The following PIN4 variants were observed in gnomAD, a reference collection of about 807,000 sequenced individuals.
PIN4 encodes the protein peptidyl-prolyl cis-trans isomerase NIMA-interacting 4.
In PIN4, 3 loss-of-function variants were observed where a neutral mutation model predicts 8.3. The observed-to-expected ratio is 0.36, with a 90% CI of 0.16 to 0.93. The LOEUF (loss-of-function observed/expected upper bound fraction) is 0.93, where lower values mean the gene tolerates loss of function less well. Among genes scored for constraint, PIN4 ranks in the 40% least tolerant of loss-of-function variants. The pLI is 0.44. For synonymous variants in PIN4, 18 were observed against 32.5 expected (o/e 0.55, Z 1.52); for missense variants, 75 against 100.6 (o/e 0.75, Z 1.09).
chrX:72,246,361 G>A (rs1164222923), intron 3 of PIN4, among the ~76,000 whole-genome samples: 2 of 111,368 alleles, frequency 1.8e-5, no homozygotes, highest in Non-Finnish European at 3.8e-5. Flanking sequence ...GTCTCACTTG[G>A]ACGACTGCAC....
chrX:72,204,966 T>A, intron 3 of PIN4: 1 of 1,036,449 alleles, frequency 9.6e-7, no homozygotes, highest in South Asian at 2.4e-5. Context: ...GAACAAAAAT[T>A]CCCTCATATT....
chrX:72,191,199 G>A (rs973076568), intron 2 of PIN4, among the ~76,000 whole-genome samples: 4 of 110,422 alleles, frequency 3.6e-5, no homozygotes, highest in African/African-American at 1.3e-4. Flanking sequence ...AGTGCCTAGG[G>A]TCTCATCCCA....
At chrX:72,186,746 C>G (rs932508229) in intron 2 of PIN4, among the ~76,000 whole-genome samples, 1 of 110,703 alleles carries the variant, frequency 9.0e-6, no homozygotes, top group Non-Finnish European at 1.9e-5. Flanking sequence ...ATGGTGAAAC[C>G]CTGTCTCTAC....
At chrX:72,201,107 G>T (rs2042788246), downstream of PIN4, among the ~76,000 whole-genome samples, 2 of 111,003 alleles carry the variant, frequency 1.8e-5, no homozygotes, top group South Asian at 7.6e-4. Context: ...GGAGGCTGAG[G>T]CAGGAGGGTT....
intron 3 of PIN4, among the ~76,000 whole-genome samples, chrX:72,222,790 G>A (rs1234395995): frequency 1.9e-5 from 2 of 107,175 alleles, no homozygotes; most frequent in African/African-American, 6.8e-5. Context: ...TAGAGACAGG[G>A]TTTCATCATG....
chrX:72,195,992 G>T (rs1299567450), intron 2 of PIN4, among the ~76,000 whole-genome samples: 2 of 109,472 alleles, frequency 1.8e-5, no homozygotes, highest in East Asian at 2.9e-4. Flanking sequence ...GGTAATGGGT[G>T]CCTGTAATCC....
intron 3 of PIN4, among the ~76,000 whole-genome samples, chrX:72,210,783 CGA>C (rs1361930299): frequency 8.9e-6 from 1 of 111,747 alleles, no homozygotes; most frequent in Non-Finnish European, 1.9e-5. Context: ...TGAACCACAA[CGA>C]GAGTTTACAG....
chrX:72,207,221 G>A, intron 3 of PIN4: 1 of 1,209,490 alleles, frequency 8.3e-7, no homozygotes, highest in Middle Eastern at 2.3e-4. Context: ...CTTTTTTCTC[G>A]TTCCAAAAGA....
At chrX:72,246,210 T>G in intron 3 of PIN4, among the ~76,000 whole-genome samples, 1 of 112,034 alleles carries the variant, frequency 8.9e-6, no homozygotes, top group Non-Finnish European at 1.9e-5. Context: ...AACCGGGAAG[T>G]GTCTTTGAGG....
chrX:72,202,402 G>C (rs1222305013), downstream of PIN4, among the ~76,000 whole-genome samples: 1 of 112,563 alleles, frequency 8.9e-6, no homozygotes. Flanking sequence ...TCACTGTTCA[G>C]ATCAAATGGA....
intron 3 of PIN4, chrX:72,206,925 G>T: frequency 8.3e-7 from 1 of 1,210,853 alleles, no homozygotes; most frequent in South Asian, 1.8e-5. Context: ...ATCGGAAAGG[G>T]TTCTTTTTTT....
At chrX:72,195,806 C>T (rs1273522526) in intron 2 of PIN4, among the ~76,000 whole-genome samples, 1 of 111,167 alleles carries the variant, frequency 9.0e-6, no homozygotes, top group Non-Finnish European at 1.9e-5. Flanking sequence ...AATGGAGAAA[C>T]ACTTGGAGGT....
intron 3 of PIN4, chrX:72,239,032 T>C (rs986841533): frequency 1.4e-6 from 1 of 718,785 alleles, no homozygotes; most frequent in Non-Finnish European, 2.0e-6. Flanking sequence ...GCGCATGCTC[T>C]GTGCGCCGTG....
intron 3 of PIN4, among the ~76,000 whole-genome samples, chrX:72,246,144 A>G (rs929575332): frequency 5.4e-5 from 6 of 111,479 alleles, no homozygotes; most frequent in African/African-American, 2.0e-4. Context: ...CTGCTCTCTC[A>G]ATATTTCCCA....
intron 1 of PIN4, chrX:72,186,220 T>C (rs2042701909): frequency 2.5e-6 from 1 of 396,159 alleles, no homozygotes; most frequent in South Asian, 3.1e-5. Context: ...ATTTGTGATT[T>C]TTTTTTTTTT....
chrX:72,183,038 A>G (rs1190149081), intron 1 of PIN4, among the ~76,000 whole-genome samples: 2 of 111,788 alleles, frequency 1.8e-5, no homozygotes, highest in Admixed American at 1.9e-4. Context: ...GAGAAAAGAG[A>G]AAAGATTCTG....
chrX:72,232,273 TA>T (rs56070381), intron 3 of PIN4, among the ~76,000 whole-genome samples: 1,004 of 61,396 alleles, frequency 0.016, 20 homozygotes, highest in African/African-American at 0.068. Flanking sequence ...GAAGGAGTAT[TA>T]AAAAAAAAAA....
intron 3 of PIN4, among the ~76,000 whole-genome samples, chrX:72,218,282 A>T (rs2042899001): frequency 9.3e-6 from 1 of 107,136 alleles, no homozygotes; most frequent in Admixed American, 1.0e-4. Context: ...AAAAAAAAAA[A>T]AAATTAATAA....
Position 72,194,158 on chromosome X carries a change from G to A in PIN4, c.118-2627G>A, listed in dbSNP as rs192630020. ...CTCATGCCTGTAATGCCAGCACTTT[G>A]GGAGGTCAAGGCGGGTGGATCACTT... On this transcript the variant is annotated intron_variant, in intron 2 of 3. Coordinates refer to ENST00000373669, the MANE Select transcript of PIN4 (RefSeq NM_006223.4). Among the ~76,000 whole-genome samples the A allele has an allele frequency of 1.0e-3, 114 of 111,485 alleles. 1 individual carries two copies. Among genetic ancestry groups the A allele is most frequent in the African/African-American group, 3.5e-3 (108 of 30,546 alleles).
Sources: allele counts gnomAD v4.1 joint callset (sites outside exome capture counted in the v4.1 genomes callset), GRCh38; gene constraint gnomAD v4.1.1; transcripts MANE v1.5; gene names NCBI Gene and HGNC (gene_info 2026-07-23, HGNC 2026-07-21).